Variants in USH2A observed in about 807,000 individuals in gnomAD.
USH2A encodes Usher syndrome 2A (autosomal recessive, mild).
Under a neutral mutation model 538.9 loss-of-function variants are expected in USH2A, and 443 were observed. The ratio of observed to expected loss-of-function variants is 0.82; its 90% CI spans 0.76 to 0.89. USH2A has a LOEUF of 0.89. Ranked by LOEUF, USH2A falls within the 40% of genes least tolerant of loss-of-function variation. The probability of loss-of-function intolerance (pLI) is 0.00; values close to 1 mark genes in which losing one functional copy is unlikely to be tolerated. For synonymous variants in USH2A, 2,413 were observed against 2,273.5 expected (o/e 1.06, Z -1.75); for missense variants, 6,633 against 6,324.8 (o/e 1.05, Z -1.65).
At chr1:215,682,169 A>G (rs1464177319) in intron 61 of USH2A, among the ~76,000 whole-genome samples, 1 of 152,222 alleles carries the variant, frequency 6.6e-6, no homozygotes, top group Non-Finnish European at 1.5e-5. Context: ...ATAATGCAAA[A>G]AAGAATAATT....
intron 67 of USH2A, among the ~76,000 whole-genome samples, chr1:215,644,385 C>G (rs185581848): frequency 1.3e-5 from 2 of 152,194 alleles, no homozygotes; most frequent in East Asian, 3.9e-4. Flanking sequence ...AGGAGGTGAC[C>G]ACTGGAGTTT....
chr1:216,299,553 AT>A (rs1571677300), intron 9 of USH2A, among the ~76,000 whole-genome samples: 1 of 152,044 alleles, frequency 6.6e-6, no homozygotes, highest in African/African-American at 2.4e-5. Context: ...TTATAACTTT[AT>A]TTTTTCCACA....
Position 215,654,111 on chromosome 1 carries a change from C to T in USH2A, c.14134-3310G>A, listed in dbSNP as rs533930659. Among the ~76,000 whole-genome samples, 3 of 152,230 alleles carry T rather than the reference C, an allele frequency of 2.0e-5. No homozygotes were observed. In the South Asian group the frequency reaches 6.2e-4, roughly 32 times the overall value. On this transcript the variant is annotated intron_variant, in intron 64 of 71. Coordinates refer to ENST00000307340, the MANE Select transcript of USH2A (RefSeq NM_206933.4). The stretch of plus-strand genomic sequence containing the variant: ...CAAGAGAAAAAAAAGCCAAGATGTT[C>T]TTCATCTTTGATTTATTCAGGATAT...
In USH2A at chr1:216,148,313, G is replaced by C. The variant is rs527688816; in HGVS notation, c.4627+26939C>G. On this transcript the variant is annotated intron_variant, in intron 21 of 71. Transcript: ENST00000307340. Reference sequence around the variant, plus strand: ...CTGCCCAGTTCCCTTATTAGGCTGAGACACTTTAACTAAATTATCTGCTTC... The same window carrying C: ...CTGCCCAGTTCCCTTATTAGGCTGACACACTTTAACTAAATTATCTGCTTC... Among the ~76,000 whole-genome samples, 3 of 151,740 alleles carry C rather than the reference G, an allele frequency of 2.0e-5. No individual in the cohort carries two copies. In the East Asian group the frequency reaches 5.9e-4, roughly 30 times the overall value.
chr1:216,072,706 A>G lies in USH2A; in HGVS notation c.5857+183T>C, dbSNP rs555333555. On this transcript the variant is annotated intron_variant, in intron 29 of 71. Transcript: ENST00000307340. The stretch of plus-strand genomic sequence containing the variant: ...CAAGTATTTAGTGAATTCTTGGTAA[A>G]TGAAAAGCACTGATCTACTAAGCAT... The G allele has an allele frequency of 7.8e-5, 50 of 641,474 alleles. 1 individual carries two copies. In the South Asian group the frequency reaches 8.8e-4, roughly 11 times the overall value. 39.7% of individuals were successfully genotyped at this position (641,474 alleles called of 1,614,324 possible).
chr1:216,013,231 A>G (rs1668620662), intron 32 of USH2A, among the ~76,000 whole-genome samples: 1 of 150,674 alleles, frequency 6.6e-6, no homozygotes, highest in Admixed American at 6.6e-5. Flanking sequence ...ATAATTCTAA[A>G]TGACAAATGT....
chr1:216,012,309 T>C (rs906719213), intron 32 of USH2A, among the ~76,000 whole-genome samples: 1 of 152,016 alleles, frequency 6.6e-6, no homozygotes, highest in South Asian at 2.1e-4. Context: ...GCTATTCTAC[T>C]ACTCCTCAGG....
At position 215,650,875 on chromosome 1, in the gene USH2A, G is replaced by GA. The variant is rs1225932468; in HGVS notation, c.14134-75dup. 6.2e-4 allele frequency: 921 copies of GA among 1,487,572 alleles called. 5 individuals are homozygous for GA. In the African/African-American group the frequency reaches 0.011, roughly 18 times the overall value. The allele number at this position is 1,487,572 out of a possible 1,614,324, so 92.1% of individuals were successfully genotyped here. A position where few individuals can be genotyped will look rare whatever the true frequency, so the allele number is the denominator to read the frequency against. ...TGGGAAAAAAAAAAAAAAAAGAAAG[G>GA]AAAAAAAACGAAATTGGCAACCAAA... is the stretch of plus-strand genomic sequence containing the variant. On this transcript the variant is annotated intron_variant, in intron 64 of 71. Coordinates refer to ENST00000307340, the MANE Select transcript of USH2A (RefSeq NM_206933.4).
At chr1:215,913,301 A>G (rs889442043) in intron 38 of USH2A, among the ~76,000 whole-genome samples, 1 of 152,126 alleles carries the variant, frequency 6.6e-6, no homozygotes, top group Admixed American at 6.6e-5. Context: ...TGTAGTTAAA[A>G]TGTACACAAA....
intron 4 of USH2A, among the ~76,000 whole-genome samples, chr1:216,332,137 C>T (rs1324392950): frequency 6.6e-6 from 1 of 152,076 alleles, no homozygotes; most frequent in Non-Finnish European, 1.5e-5. Flanking sequence ...GCTAGAGGAT[C>T]AGAATGGGAG....
rs73090715 is a variant in USH2A at position 215,810,681 on chromosome 1, G to A, written c.9739+3055C>T. On this transcript the variant is annotated intron_variant, in intron 49 of 71. Transcript: ENST00000307340. ...TTATAGCAATGATTTGTAATCAAGG[G>A]CAGATATGAATCATACATGAAAACT... 4.0e-3 allele frequency among the ~76,000 whole-genome samples: 608 copies of A among 152,152 alleles called. 4 individuals carry two copies. The highest frequency in any genetic ancestry group is 0.014 in the African/African-American group (563 of 41,528).
At chr1:216,375,942 G>A (rs1039537230) in intron 3 of USH2A, among the ~76,000 whole-genome samples, 23 of 152,058 alleles carry the variant, frequency 1.5e-4, no homozygotes, top group South Asian at 4.1e-4. Flanking sequence ...ACATTCTGTC[G>A]GTGGAGAAGT....
intron 9 of USH2A, among the ~76,000 whole-genome samples, chr1:216,316,696 T>C (rs1332507983): frequency 6.6e-6 from 1 of 152,198 alleles, no homozygotes; most frequent in Non-Finnish European, 1.5e-5. Flanking sequence ...TGGCATGAGC[T>C]GGTATCTCAT....
At chr1:216,278,435 G>A (rs1157303910) in intron 11 of USH2A, among the ~76,000 whole-genome samples, 1 of 152,070 alleles carries the variant, frequency 6.6e-6, no homozygotes, top group Non-Finnish European at 1.5e-5. Context: ...CAGGACCTTT[G>A]TTCCTGTCTT....
At chr1:215,654,388 T>A (rs1193253650) in intron 64 of USH2A, among the ~76,000 whole-genome samples, 1 of 152,204 alleles carries the variant, frequency 6.6e-6, no homozygotes, top group Non-Finnish European at 1.5e-5. Flanking sequence ...CCCCTCCCTG[T>A]GTCCATGTGT....
At chr1:216,232,234 C>T in intron 13 of USH2A, 98 bp from the exon 14 acceptor site, 3 of 1,320,766 alleles carry the variant, frequency 2.3e-6, no homozygotes, top group Non-Finnish European at 3.1e-6. Context: ...AATACTCTAC[C>T]AAGGCACTAA....
chr1:216,179,281 A>C (rs562190394), intron 20 of USH2A, among the ~76,000 whole-genome samples: 3 of 152,254 alleles, frequency 2.0e-5, no homozygotes, highest in Admixed American at 2.0e-4. Flanking sequence ...TTTGTGTAAT[A>C]ATTATTGAAA....
intron 43 of USH2A, among the ~76,000 whole-genome samples, chr1:215,875,555 C>A (rs1432146820): frequency 1.2e-4 from 18 of 151,998 alleles, no homozygotes; most frequent in Non-Finnish European, 2.9e-5. Context: ...CATTAAGAAT[C>A]CTTAGAGGAA....
intron 35 of USH2A, among the ~76,000 whole-genome samples, chr1:215,980,578 C>T (rs1025912980): frequency 6.6e-6 from 1 of 152,110 alleles, no homozygotes; most frequent in African/African-American, 2.4e-5. Context: ...ATAATTGGAT[C>T]CCTTTCCCTT....
Sources: gnomAD v4.1 joint callset for allele counts (sites outside exome capture counted in the v4.1 genomes callset) on GRCh38, gnomAD v4.1.1 for gene constraint, MANE v1.5 for transcripts, NCBI Gene and HGNC (gene_info 2026-07-23, HGNC 2026-07-21) for gene names.